ARHGAP32: variants seen among roughly 807,000 people sequenced by gnomAD.
The protein encoded by ARHGAP32 is Rho GTPase activating protein 32, also known as rho GTPase-activating protein 32.
Under a neutral mutation model 186.5 loss-of-function variants are expected in ARHGAP32, and 51 were observed. The observed-to-expected ratio is 0.27, with a 90% CI of 0.22 to 0.35. The LOEUF is 0.35. Among genes scored for constraint, ARHGAP32 ranks in the 10% least tolerant of loss-of-function variants. The probability of loss-of-function intolerance (pLI) is 1.00; values close to 1 mark genes in which losing one functional copy is unlikely to be tolerated. For missense variants in ARHGAP32, 2,186 were observed against 2,623.5 expected (o/e 0.83, Z 3.64); for synonymous variants, 950 against 964.3 (o/e 0.99, Z 0.27).
At chr11:129,244,857 A>C (rs1296632329) in intron 1 of ARHGAP32, among the ~76,000 whole-genome samples, 1 of 151,726 alleles carries the variant, frequency 6.6e-6, no homozygotes, top group African/African-American at 2.4e-5. Flanking sequence ...AATGCTCACC[A>C]TCACTGGCCA....
rs767621626 is a variant in ARHGAP32 at position 129,074,579 on chromosome 11, C to T, written c.532-7711G>A. 4.6e-5 allele frequency among the ~76,000 whole-genome samples: 7 copies of T among 152,132 alleles called. No homozygotes were observed. The East Asian group carries it at 5.8e-4, about 13-fold the overall frequency. On this transcript the variant is annotated intron_variant, in intron 6 of 22. Transcript: ENST00000682385. ...TCTGATCTCGGCTCACTGCAACCTC[C>T]GCCTCCCAGGTTCAAGCGATTCTCC...
At chr11:129,089,485 T>C (rs914343414) in intron 6 of ARHGAP32, among the ~76,000 whole-genome samples, 4 of 152,138 alleles carry the variant, frequency 2.6e-5, no homozygotes, top group Non-Finnish European at 5.9e-5. Context: ...AACGGAGTCA[T>C]GGGATGATCA....
chr11:129,258,201 T>G (rs373171661), intron 1 of ARHGAP32, among the ~76,000 whole-genome samples: 21 of 152,278 alleles, frequency 1.4e-4, no homozygotes, highest in Non-Finnish European at 2.2e-4. Flanking sequence ...AACTATCATA[T>G]TAAAATCTAA....
At chr11:129,015,596 T>C (rs1938300933) in intron 11 of ARHGAP32, among the ~76,000 whole-genome samples, 1 of 152,170 alleles carries the variant, frequency 6.6e-6, no homozygotes, top group Non-Finnish European at 1.5e-5. Context: ...TTTCCATCCA[T>C]GTAACGACAT....
At chr11:129,151,120 G>A (rs1943277950) in intron 2 of ARHGAP32, among the ~76,000 whole-genome samples, 1 of 151,596 alleles carries the variant, frequency 6.6e-6, no homozygotes, top group Non-Finnish European at 1.5e-5. Flanking sequence ...AAAAACAGTA[G>A]AAAAAAGACA....
At chr11:129,080,064 A>T (rs1463252298) in intron 6 of ARHGAP32, among the ~76,000 whole-genome samples, 1 of 152,202 alleles carries the variant, frequency 6.6e-6, no homozygotes. Context: ...ACAATCCTAA[A>T]TATATATGCA....
intron 2 of ARHGAP32, among the ~76,000 whole-genome samples, chr11:129,162,013 A>G (rs969717429): frequency 5.3e-5 from 8 of 152,148 alleles, no homozygotes; most frequent in Non-Finnish European, 1.0e-4. Flanking sequence ...GGATGATGCT[A>G]GAAACCATCA....
intron 11 of ARHGAP32, among the ~76,000 whole-genome samples, chr11:129,027,086 A>C (rs1271540872): frequency 6.7e-6 from 1 of 149,178 alleles, no homozygotes; most frequent in Non-Finnish European, 1.5e-5. Flanking sequence ...GCAACAGCGC[A>C]AGACTCTGTC....
At chr11:129,061,478 C>G (rs1038058536) in intron 10 of ARHGAP32, among the ~76,000 whole-genome samples, 17 of 152,118 alleles carry the variant, frequency 1.1e-4, no homozygotes, top group African/African-American at 4.1e-4. Flanking sequence ...ATCAATTAGG[C>G]ACAGTAAGAG....
intron 12 of ARHGAP32, among the ~76,000 whole-genome samples, chr11:128,989,132 T>C (rs1289499756): frequency 6.6e-6 from 1 of 152,168 alleles, no homozygotes; most frequent in Non-Finnish European, 1.5e-5. Context: ...TGTCATTCCT[T>C]TATTATTATA....
chr11:128,976,776 T>C, intron 19 of ARHGAP32, 142 bp from the exon 20 acceptor site: 1 of 680,540 alleles, frequency 1.5e-6, no homozygotes, highest in East Asian at 2.7e-5. Context: ...CTCTATTACA[T>C]AATGTGTTAT....
intron 1 of ARHGAP32, among the ~76,000 whole-genome samples, chr11:129,271,088 T>A (rs1458113467): frequency 6.6e-6 from 1 of 152,176 alleles, no homozygotes; most frequent in African/African-American, 2.4e-5. Flanking sequence ...AATGTTAAGT[T>A]TTTGTTTTAG....
chr11:129,054,366 C>G (rs1940169702), intron 10 of ARHGAP32, among the ~76,000 whole-genome samples: 1 of 152,116 alleles, frequency 6.6e-6, no homozygotes, highest in South Asian at 2.1e-4. Context: ...ACAGTGCGAG[C>G]CTACATCAGC....
At chr11:129,173,611 C>CT (rs1202933570) in intron 1 of ARHGAP32, among the ~76,000 whole-genome samples, 1 of 152,156 alleles carries the variant, frequency 6.6e-6, no homozygotes, top group Non-Finnish European at 1.5e-5. Context: ...CATCAAAGAG[C>CT]TTATCCACCA....
At chr11:128,988,270 A>G (rs1314015221) in intron 12 of ARHGAP32, 145 bp from the exon 13 acceptor site, 12 of 592,988 alleles carry the variant, frequency 2.0e-5, no homozygotes, top group Non-Finnish European at 3.6e-5. Flanking sequence ...TCCACTACAA[A>G]AAATGATGAG....
At chr11:129,094,301 C>A (rs1213323967) in intron 5 of ARHGAP32, among the ~76,000 whole-genome samples, 1 of 152,150 alleles carries the variant, frequency 6.6e-6, no homozygotes, top group Non-Finnish European at 1.5e-5. Flanking sequence ...GCTATTATTA[C>A]ACATTGCATG....
rs148435532 is a variant in ARHGAP32 at position 129,132,406 on chromosome 11, A to C, written c.226-7512T>G. On this transcript the variant is annotated intron_variant, in intron 2 of 22. Transcript: ENST00000682385. The stretch of plus-strand genomic sequence containing the variant: ...GAGGTGGGAGAATTGCTTGAGCCTA[A>C]GGTTAAGGCTGCAGAAAGCCATGAT... 2.8e-3 allele frequency among the ~76,000 whole-genome samples: 427 copies of C among 152,148 alleles called. 1 individual carries two copies. Among genetic ancestry groups the C allele is most frequent in the Admixed American group, 0.013 (206 of 15,288 alleles).
intron 5 of ARHGAP32, among the ~76,000 whole-genome samples, chr11:129,097,698 C>CACAT (rs571687751): frequency 2.6e-3 from 398 of 152,152 alleles, no homozygotes; most frequent in African/African-American, 9.1e-3. Flanking sequence ...AACCAACATA[C>CACAT]ACATGTAGGA....
intron 1 of ARHGAP32, among the ~76,000 whole-genome samples, chr11:129,245,835 G>A (rs370449170): frequency 9.9e-4 from 151 of 152,006 alleles, no homozygotes; most frequent in African/African-American, 3.5e-3. Context: ...TTAAGGTTAC[G>A]ACCAGTGTTT....
Sources: allele counts gnomAD v4.1 joint callset (sites outside exome capture counted in the v4.1 genomes callset), GRCh38; gene constraint gnomAD v4.1.1; transcripts MANE v1.5; gene names NCBI Gene and HGNC (gene_info 2026-07-23, HGNC 2026-07-21).